Variants in OGFOD1 observed in about 807,000 individuals in gnomAD.
OGFOD1 encodes 2-oxoglutarate and iron dependent oxygenase domain containing 1.
In OGFOD1, 54 loss-of-function variants were observed where a neutral mutation model predicts 67.7. The ratio of observed to expected loss-of-function variants is 0.80; its 90% confidence interval spans 0.64 to 1.00. The LOEUF (loss-of-function observed/expected upper bound fraction) is 1.00, where lower values mean the gene tolerates loss of function less well. Among genes scored for constraint, OGFOD1 ranks in the 50% least tolerant of loss-of-function variants. The probability of loss-of-function intolerance (pLI) is 0.00; values close to 1 mark genes in which losing one functional copy is unlikely to be tolerated. For missense variants in OGFOD1, 606 were observed against 646.7 expected, an observed-to-expected ratio of 0.94 and a Z score of 0.68; for synonymous variants, 221 against 227.0, an observed-to-expected ratio of 0.97 and a Z score of 0.24.
chr16:56,467,308 T>C lies in OGFOD1; in HGVS notation c.786+15T>C, dbSNP rs1341753375. The C allele has an allele frequency of 7.4e-6, 12 of 1,613,912 alleles. No individual in the cohort carries two copies. The highest frequency in any genetic ancestry group is 1.0e-5 in the Non-Finnish European group (12 of 1,179,928). ...TCCCACAAGATGTAAGAAGAATTGC[T>C]GATATCCTTATCTTAGGAGCTATAG... On this transcript the variant is annotated intron_variant, in intron 7 of 12. Coordinates refer to ENST00000566157, the MANE Select transcript of OGFOD1 (RefSeq NM_018233.4).
rs1483215363 is a variant in OGFOD1 at position 56,478,293 on chromosome 16, GGATTACAGGCA to G, written c.*2089_*2099del. 2.6e-5 allele frequency: 4 copies of G among 151,920 alleles called. No homozygotes were observed. The highest frequency in any genetic ancestry group is 3.9e-4 in the East Asian group (2 of 5,184). 9.4% of individuals were successfully genotyped at this position (151,920 alleles called of 1,614,324 possible). A position where few individuals can be genotyped will look rare whatever the true frequency, so the allele number is the denominator to read the frequency against. On this transcript the variant is annotated 3_prime_UTR_variant, in exon 13 of 13. Transcript: ENST00000566157. ...CCTGCCTCAGCCTCCTAAGTAGCTG[GGATTACAGGCA>G]CCTGCCTCCATACCCAGCTAATTTT...
In OGFOD1 at chr16:56,466,937, C is replaced by G; in HGVS notation, c.627C>G (p.Phe209Leu). 6.2e-7 allele frequency: 1 copy of G among 1,613,448 alleles called. No individual in the cohort carries two copies. Among genetic ancestry groups the G allele is most frequent in the Non-Finnish European group, 8.5e-7 (1 of 1,179,384 alleles). The change falls in exon 6 of 13, where the codon TTC (phenylalanine) becomes TTG (leucine). Residue 209 changes from phenylalanine to leucine, a missense_variant. Phe to Leu is a conservative substitution (Grantham distance 22, BLOSUM62 0). Coordinates refer to ENST00000566157, the MANE Select transcript of OGFOD1 (RefSeq NM_018233.4). ...SLIPSWNKLV[F>L]FEVSPVSFHQ... is the part of the protein sequence containing the mutation. ...TCCCTTCGTGGAACAAACTGGTTTT[C>G]TTTGAAGTATCTCCTGTGTCCTTTC...
At chr16:56,466,022 A>T in intron 4 of OGFOD1, 130 bp from the exon 5 acceptor site, 1 of 634,288 alleles carries the variant, frequency 1.6e-6, no homozygotes. Context: ...TGTCATTTTA[A>T]AGCTGGAGGA....
At chr16:56,458,304 G>A in intron 2 of OGFOD1, 2 of 488,446 alleles carry the variant, frequency 4.1e-6, no homozygotes, top group South Asian at 4.4e-5. Flanking sequence ...CCCTCAATGG[G>A]CATAGAAACT....
intron 4 of OGFOD1, 129 bp downstream of exon 4, chr16:56,462,763 A>C (rs537073363): frequency 3.3e-6 from 2 of 614,526 alleles, no homozygotes; most frequent in African/African-American, 3.7e-5. Flanking sequence ...CTTCCTGATA[A>C]AGACCCAGTT....
chr16:56,476,151 A>G lies in OGFOD1; in HGVS notation c.1575A>G (p.Lys525=). 4 of 1,613,648 alleles carry G rather than the reference A, an allele frequency of 2.5e-6. No individual in the cohort carries two copies. The highest frequency in any genetic ancestry group is 1.3e-5 in the African/African-American group (1 of 75,044). ...HINHRSLEQK[K]TFPNRTGFWD... ...ACCACCGAAGCCTGGAACAAAAGAA[A>G]ACCTTCCCAAACAGAACAGGTTTCT... is the stretch of plus-strand genomic sequence containing the variant. Residue 525 remains lysine, a synonymous_variant, in exon 13 of 13, where the codon AAA becomes AAG. Transcript: ENST00000566157.
intron 5 of OGFOD1, 28 bp downstream of exon 5, chr16:56,466,296 C>A: frequency 1.5e-6 from 2 of 1,371,640 alleles, no homozygotes; most frequent in Non-Finnish European, 1.0e-6. Flanking sequence ...GCATGCACTT[C>A]ACCACCAGTG....
chr16:56,473,662 T>C (rs946305027), intron 10 of OGFOD1, among the ~76,000 whole-genome samples: 1 of 152,232 alleles, frequency 6.6e-6, no homozygotes, highest in Admixed American at 6.5e-5. Context: ...TATCATTGAC[T>C]AATGGTGCGT....
rs879394171 is a variant in OGFOD1 at position 56,466,255 on chromosome 16, G to C, written c.552G>C (p.Leu184=). ...WDRSMGGTLD[L]YSIDEHFQPK... ...GGAGCATGGGTGGTACCCTGGACCTGTACAGCATTGATGGTAAGATAAGTA... is the reference window on the plus strand; with the variant it reads ...GGAGCATGGGTGGTACCCTGGACCTCTACAGCATTGATGGTAAGATAAGTA... Residue 184 remains leucine (L), a synonymous_variant, in exon 5 of 13, where the codon CTG becomes CTC. Coordinates refer to ENST00000566157, the MANE Select transcript of OGFOD1 (RefSeq NM_018233.4). The C allele has an allele frequency of 1.9e-6, 3 of 1,609,110 alleles. No individual in the cohort carries two copies. The highest frequency in any genetic ancestry group is 2.6e-6 in the Non-Finnish European group (3 of 1,175,424).
intron 7 of OGFOD1, 99 bp from the exon 8 acceptor site, chr16:56,467,801 TATAAA>T (rs1962968522): frequency 4.3e-6 from 3 of 705,662 alleles, no homozygotes; most frequent in South Asian, 1.6e-5. Flanking sequence ...AGGAGAAACT[TATAAA>T]ATGAGGATTT....
chr16:56,466,462 T>C (rs1962904193), intron 5 of OGFOD1, among the ~76,000 whole-genome samples, 194 bp downstream of exon 5: 1 of 152,192 alleles, frequency 6.6e-6, no homozygotes, highest in African/African-American at 2.4e-5. Context: ...GACTTAAAAA[T>C]GACTCCAGAG....
chr16:56,475,626 A>C (rs746111166), intron 12 of OGFOD1, 61 bp downstream of exon 12: 30 of 1,453,056 alleles, frequency 2.1e-5, no homozygotes, highest in Non-Finnish European at 2.9e-5. Flanking sequence ...TCATTTTTCA[A>C]AGACCCAATT....
chr16:56,451,558 C>T lies in OGFOD1; in HGVS notation c.-55C>T, dbSNP rs376500122. The T allele has an allele frequency of 9.5e-5, 152 of 1,595,854 alleles. No homozygotes were observed. The African/African-American group carries it at 1.6e-3, about 16-fold the overall frequency. Reference sequence around the variant, plus strand: ...GGGGACATGCCGGGAGTTGCAGTACCCTCAGGAAGGTAGCGTCTTGATCTG... The same window carrying T: ...GGGGACATGCCGGGAGTTGCAGTACTCTCAGGAAGGTAGCGTCTTGATCTG... On this transcript the variant is annotated 5_prime_UTR_variant, in exon 1 of 13. Coordinates refer to ENST00000566157, the MANE Select transcript of OGFOD1 (RefSeq NM_018233.4).
chr16:56,474,925 C>CT lies in OGFOD1; in HGVS notation c.1385dup (p.Leu462PhefsTer8). On this transcript the variant is annotated frameshift_variant, in exon 11 of 13. Coordinates refer to ENST00000566157, the MANE Select transcript of OGFOD1 (RefSeq NM_018233.4). LOFTEE classifies it high-confidence loss of function. ...ATAGCAAGGCTGAATTTGCCCTAGACTTAATTCTGTACTGTGGCTGTGAAG... is the reference window on the plus strand; with the variant it reads ...ATAGCAAGGCTGAATTTGCCCTAGACTTTAATTCTGTACTGTGGCTGTGAAG... 4 of 1,613,856 alleles carry CT rather than the reference C, an allele frequency of 2.5e-6. No individual in the cohort carries two copies. The highest frequency in any genetic ancestry group is 3.4e-6 in the Non-Finnish European group (4 of 1,179,884).
At chr16:56,470,298 C>T in intron 9 of OGFOD1, 189 bp from the exon 10 acceptor site, 2 of 666,000 alleles carry the variant, frequency 3.0e-6, no homozygotes, top group Non-Finnish European at 5.1e-6. Flanking sequence ...ATGTTTTGTT[C>T]TCAGGGACAT....
chr16:56,461,385 C>T (rs1463552591), intron 3 of OGFOD1, among the ~76,000 whole-genome samples: 8 of 152,214 alleles, frequency 5.3e-5, no homozygotes, highest in Non-Finnish European at 1.2e-4. Flanking sequence ...TGTGGAAGCT[C>T]CACACCCCTT....
In OGFOD1 at chr16:56,462,628, T is replaced by C; in HGVS notation, c.442T>C (p.Phe148Leu). Residue 148 changes from phenylalanine (F) to leucine (L), a missense_variant, in exon 4 of 13, where the codon TTC becomes CTC. Coordinates refer to ENST00000566157, the MANE Select transcript of OGFOD1 (RefSeq NM_018233.4). ...TGACATGTCCTGTGCTAAATATGAATTCACTGGTAAGGAAGATAAAGGCCT... is the reference window on the plus strand; with the variant it reads ...TGACATGTCCTGTGCTAAATATGAACTCACTGGTAAGGAAGATAAAGGCCT... ...TIDMSCAKYE[F>L]TDALLCHDDE... 1 of 1,558,366 alleles carries C rather than the reference T, an allele frequency of 6.4e-7. No individual in the cohort carries two copies. Among genetic ancestry groups the C allele is most frequent in the Non-Finnish European group, 8.9e-7 (1 of 1,129,616 alleles).
chr16:56,468,051 G>T, intron 8 of OGFOD1, 33 bp downstream of exon 8: 1 of 1,194,992 alleles, frequency 8.4e-7, no homozygotes, highest in Non-Finnish European at 1.2e-6. Flanking sequence ...TGAATATTTT[G>T]TTTGGCATGC....
At chr16:56,469,368 T>C (rs189350067) in intron 8 of OGFOD1, among the ~76,000 whole-genome samples, 2 of 152,326 alleles carry the variant, frequency 1.3e-5, no homozygotes, top group African/African-American at 4.8e-5. Flanking sequence ...GTGAGTTGTA[T>C]TATGGTCTGT....
Sources: gnomAD v4.1 joint callset for allele counts (sites outside exome capture counted in the v4.1 genomes callset) on GRCh38, gnomAD v4.1.1 for gene constraint, MANE v1.5 for transcripts, NCBI Gene and HGNC (gene_info 2026-07-23, HGNC 2026-07-21) for gene names.